The following FANCC variants were observed in gnomAD, a reference collection of about 807,000 sequenced individuals.
The protein encoded by FANCC is Fanconi anemia group C protein.
In FANCC, 55 loss-of-function variants were observed where a neutral mutation model predicts 71.3. That is an observed-to-expected ratio of 0.77 (90% CI 0.62 to 0.97). FANCC has a LOEUF of 0.97. FANCC is among the 50% of genes least tolerant of loss of function. The pLI is 0.00. For missense variants in FANCC, 678 were observed against 670.9 expected (o/e 1.01, Z -0.12); for synonymous variants, 275 against 244.9 (o/e 1.12, Z -1.15).
At chr9:95,315,503 C>A (rs574178207) in intron 1 of FANCC, among the ~76,000 whole-genome samples, 81 of 152,334 alleles carry the variant, frequency 5.3e-4, no homozygotes, top group Non-Finnish European at 8.8e-4. Flanking sequence ...GGATTACAGG[C>A]ATAAGCCACC....
At chr9:95,173,295 G>A (rs1272135488) in intron 4 of FANCC, among the ~76,000 whole-genome samples, 1 of 152,138 alleles carries the variant, frequency 6.6e-6, no homozygotes, top group Non-Finnish European at 1.5e-5. Context: ...TGTGAGCAGA[G>A]GCAACACAGC....
chr9:95,173,552 T>C (rs921155898), intron 4 of FANCC, among the ~76,000 whole-genome samples: 3 of 152,238 alleles, frequency 2.0e-5, no homozygotes, highest in African/African-American at 7.2e-5. Flanking sequence ...ATTTCTCATA[T>C]AGTAAAAATT....
chr9:95,160,442 A>G lies in FANCC; in HGVS notation c.522-10355T>C, dbSNP rs771278602. 4.3e-4 allele frequency among the ~76,000 whole-genome samples: 66 copies of G among 152,318 alleles called. 1 individual carries two copies. The Middle Eastern group carries it at 0.017, about 39-fold the overall frequency. On this transcript the variant is annotated intron_variant, in intron 6 of 14. Transcript: ENST00000289081. ...TTTGGTTACTACAGACTTGTAGTACAGTTTGAAGTCAGGTAGCATGATGCC... is the reference window on the plus strand; with the variant it reads ...TTTGGTTACTACAGACTTGTAGTACGGTTTGAAGTCAGGTAGCATGATGCC...
At chr9:95,310,383 G>T (rs1226052284) in intron 1 of FANCC, among the ~76,000 whole-genome samples, 1 of 151,720 alleles carries the variant, frequency 6.6e-6, no homozygotes, top group Non-Finnish European at 1.5e-5. Context: ...AAAAAAAAAG[G>T]AGGGGGGGAA....
intron 1 of FANCC, among the ~76,000 whole-genome samples, chr9:95,289,651 A>G (rs1021989524): frequency 6.6e-6 from 1 of 152,122 alleles, no homozygotes; most frequent in Non-Finnish European, 1.5e-5. Context: ...TAACTGTATG[A>G]TATTTTATTG....
At chr9:95,121,118 C>A (rs2072844627) in intron 10 of FANCC, among the ~76,000 whole-genome samples, 1 of 152,142 alleles carries the variant, frequency 6.6e-6, no homozygotes, top group African/African-American at 2.4e-5. Context: ...AAATACTTTG[C>A]CTGGAGTTTA....
Position 95,178,331 on chromosome 9 carries a change from T to C in FANCC, c.346-6184A>G, listed in dbSNP as rs4647491. On this transcript the variant is annotated intron_variant, in intron 4 of 14. Coordinates refer to ENST00000289081, the MANE Select transcript of FANCC (RefSeq NM_000136.3). ...TCTAACGTCCAGACATGTGCCAGAATAGCCCCTCAGAACTGTCTTGATGAG... is the reference window on the plus strand; with the variant it reads ...TCTAACGTCCAGACATGTGCCAGAACAGCCCCTCAGAACTGTCTTGATGAG... Among the ~76,000 whole-genome samples the C allele has an allele frequency of 3.3e-3, 508 of 152,354 alleles. 9 individuals are homozygous for C. In the East Asian group the frequency reaches 0.044, roughly 13 times the overall value.
chr9:95,296,097 T>G (rs1442168585), intron 1 of FANCC, among the ~76,000 whole-genome samples: 1 of 152,228 alleles, frequency 6.6e-6, no homozygotes, highest in East Asian at 1.9e-4. Flanking sequence ...ACAAACTCAT[T>G]GAGTTCTATA....
intron 4 of FANCC, among the ~76,000 whole-genome samples, chr9:95,231,443 G>A (rs1830004128): frequency 6.7e-6 from 1 of 149,740 alleles, no homozygotes; most frequent in Admixed American, 6.7e-5. Context: ...GAGGCGCCTG[G>A]CCCCTCCTCT....
rs562411559 is a variant in FANCC, at chr9:95,203,193, T to C, written c.346-31046A>G. Among the ~76,000 whole-genome samples, 108 of 151,966 alleles carry C rather than the reference T, an allele frequency of 7.1e-4. No homozygotes were observed. The Middle Eastern group carries it at 0.027, about 38-fold the overall frequency. On this transcript the variant is annotated intron_variant, in intron 4 of 14. Transcript: ENST00000289081. ...GGGCAGATCACTTGAGCTCAGGAGT[T>C]CAAGACCAGCCTGGGCAACATAGCA...
chr9:95,166,255 C>T (rs1831062122), intron 6 of FANCC, among the ~76,000 whole-genome samples: 1 of 151,962 alleles, frequency 6.6e-6, no homozygotes, highest in South Asian at 2.1e-4. Context: ...CTTACTATTG[C>T]CATTTTGTTG....
chr9:95,126,924 C>A (rs1826074827), intron 8 of FANCC: 1 of 320,502 alleles, frequency 3.1e-6, no homozygotes, highest in African/African-American at 2.1e-5. Flanking sequence ...GCCTGTACTG[C>A]CAGTTCTACT....
intron 4 of FANCC, among the ~76,000 whole-genome samples, chr9:95,182,474 C>T (rs956500358): frequency 1.3e-5 from 2 of 152,136 alleles, no homozygotes. Flanking sequence ...TAGCCAAGAT[C>T]GCGCTACTGC....
chr9:95,214,983 A>G (rs1828765398), intron 4 of FANCC, among the ~76,000 whole-genome samples: 1 of 152,210 alleles, frequency 6.6e-6, no homozygotes, highest in African/African-American at 2.4e-5. Context: ...TGGTTAAGAT[A>G]ATAAATTTTA....
At chr9:95,102,641 G>C (rs564222609) in intron 14 of FANCC, among the ~76,000 whole-genome samples, 56 of 152,234 alleles carry the variant, frequency 3.7e-4, no homozygotes, top group Non-Finnish European at 6.2e-4. Context: ...TCCTCTGGAA[G>C]GGTTGGGCCG....
At chr9:95,109,059 A>G (rs2071698663) in intron 13 of FANCC, among the ~76,000 whole-genome samples, 1 of 152,022 alleles carries the variant, frequency 6.6e-6, no homozygotes, top group Admixed American at 6.6e-5. Context: ...ACAGGCACAC[A>G]TTACCATACC....
At chr9:95,258,167 G>A (rs922751110) in intron 1 of FANCC, among the ~76,000 whole-genome samples, 1 of 152,066 alleles carries the variant, frequency 6.6e-6, no homozygotes. Context: ...AGAAAAAGAG[G>A]GACTCTTCCC....
intron 13 of FANCC, 76 bp downstream of exon 13, chr9:95,111,387 C>G: frequency 6.3e-7 from 1 of 1,597,282 alleles, no homozygotes; most frequent in Non-Finnish European, 8.5e-7. Context: ...AAGCCCACAA[C>G]AGAGCCCCTC....
chr9:95,231,444 C>T lies in FANCC; in HGVS notation c.345+9205G>A, dbSNP rs778785716. 4.0e-5 allele frequency among the ~76,000 whole-genome samples: 6 copies of T among 149,736 alleles called. No individual in the cohort carries two copies. In the East Asian group the frequency reaches 1.2e-3, roughly 30 times the overall value. The stretch of plus-strand genomic sequence containing the variant: ...ACATTTGCAGCAGGGAGGCGCCTGG[C>T]CCCTCCTCTTCCTGTGAGGACCCTG... On this transcript the variant is annotated intron_variant, in intron 4 of 14. Coordinates refer to ENST00000289081, the MANE Select transcript of FANCC (RefSeq NM_000136.3).
Sources: gnomAD v4.1 joint callset for allele counts (sites outside exome capture counted in the v4.1 genomes callset) on GRCh38, gnomAD v4.1.1 for gene constraint, MANE v1.5 for transcripts, NCBI Gene and HGNC (gene_info 2026-07-23, HGNC 2026-07-21) for gene names.